The following OCRL variants were observed in gnomAD, a reference collection of about 807,000 sequenced individuals.
OCRL encodes the protein inositol polyphosphate 5-phosphatase OCRL.
In OCRL, 8 loss-of-function variants were observed where a neutral mutation model predicts 78.9. The observed-to-expected ratio is 0.10, with a 90% confidence interval of 0.06 to 0.18. The LOEUF (loss-of-function observed/expected upper bound fraction) is 0.18. Among genes scored for constraint, OCRL ranks in the 10% least tolerant of loss-of-function variants. The pLI is 1.00. For synonymous variants in OCRL, 240 were observed against 235.4 expected, an observed-to-expected ratio of 1.02 and a Z score of -0.18; for missense variants, 454 against 696.7, an observed-to-expected ratio of 0.65 and a Z score of 3.92.
chrX:129,552,779 T>C (rs1244560467), intron 4 of OCRL, among the ~76,000 whole-genome samples: 1 of 111,944 alleles, frequency 8.9e-6, no homozygotes, highest in Non-Finnish European at 1.9e-5. Flanking sequence ...AGTGAATGTA[T>C]GCATCTGAAT....
At chrX:129,545,902 C>T (rs1395130633) in intron 3 of OCRL, among the ~76,000 whole-genome samples, 4 of 110,942 alleles carry the variant, frequency 3.6e-5, no homozygotes, top group Non-Finnish European at 7.6e-5. Flanking sequence ...TTTGTAGTGA[C>T]GGGGTTTCGC....
chrX:129,567,206 A>T (rs1179411596), intron 13 of OCRL, 48 bp from the exon 14 acceptor site: 3 of 868,246 alleles, frequency 3.5e-6, no homozygotes, highest in Non-Finnish European at 5.1e-6. Context: ...TATCTCTTAT[A>T]TTAAGATAGT....
In OCRL at chrX:129,587,250, C is replaced by T. The variant is rs186493665; in HGVS notation, c.2256+132C>T. 2.1e-3 allele frequency: 1,124 copies of T among 527,543 alleles called. 13 individuals are homozygous for T. In the African/African-American group the frequency reaches 0.022, roughly 10 times the overall value. The allele number at this position is 527,543 out of a possible 1,213,427, so 43.5% of individuals were successfully genotyped here. A position where few individuals can be genotyped will look rare whatever the true frequency, so the allele number is the denominator to read the frequency against. On this transcript the variant is annotated intron_variant, in intron 20 of 23. Transcript: ENST00000371113. ...GCACACAGTGGCACTGTCAGATCGACTGGGTGGGTGGAAGTGTCCTAGTCA... is the reference window on the plus strand; with the variant it reads ...GCACACAGTGGCACTGTCAGATCGATTGGGTGGGTGGAAGTGTCCTAGTCA...
At chrX:129,565,718 C>T in intron 12 of OCRL, 54 bp from the exon 13 acceptor site, 1 of 932,959 alleles carries the variant, frequency 1.1e-6, no homozygotes, top group Non-Finnish European at 1.6e-6. Flanking sequence ...CCATCCTTCT[C>T]TGTTTTTTTT....
In OCRL at chrX:129,580,371, A is replaced by G. The variant is rs1041234829; in HGVS notation, c.2115+3819A>G. Among the ~76,000 whole-genome samples the G allele has an allele frequency of 4.5e-5, 5 of 112,238 alleles. No individual in the cohort carries two copies. The East Asian group carries it at 1.4e-3, about 31-fold the overall frequency. ...TCCCTGGGACAAGTGAAGATCAAGG[A>G]TAAGAATGTATGAAGCTGGTTAGGG... is the stretch of plus-strand genomic sequence containing the variant. On this transcript the variant is annotated intron_variant, in intron 18 of 23. Coordinates refer to ENST00000371113, the MANE Select transcript of OCRL (RefSeq NM_000276.4).
rs1045902115 is a variant in OCRL, at chrX:129,592,062, G to A, written c.*1792G>A. On this transcript the variant is annotated 3_prime_UTR_variant, in exon 24 of 24. Transcript: ENST00000371113. ...GGTTAGTGGAGGCTCTGTGCTGCAC[G>A]TATGCAGTATCCTATCTCTTTCTAC... 8.8e-6 allele frequency: 1 copy of A among 114,221 alleles called. No individual in the cohort carries two copies. The highest frequency in any genetic ancestry group is 1.9e-5 in the Non-Finnish European group (1 of 53,374). 9.4% of individuals were successfully genotyped at this position (114,221 alleles called of 1,213,427 possible). A position where few individuals can be genotyped will look rare whatever the true frequency, so the allele number is the denominator to read the frequency against.
intron 2 of OCRL, among the ~76,000 whole-genome samples, chrX:129,541,863 C>G (rs1037957500): frequency 8.9e-6 from 1 of 112,400 alleles, no homozygotes; most frequent in Non-Finnish European, 1.9e-5. Context: ...TGGTGCCACT[C>G]TAACTGGATG....
chrX:129,570,296 T>C (rs748876860), intron 15 of OCRL, among the ~76,000 whole-genome samples: 1 of 111,988 alleles, frequency 8.9e-6, no homozygotes, highest in East Asian at 2.8e-4. Context: ...TGCATCCGAG[T>C]TCAACCACTT....
At chrX:129,544,851 C>T (rs1025264091) in intron 2 of OCRL, 107 bp from the exon 3 acceptor site, 1 of 543,299 alleles carries the variant, frequency 1.8e-6, no homozygotes, top group Non-Finnish European at 3.3e-6. Context: ...CTAGATGCAG[C>T]AAGTCTAGTA....
intron 19 of OCRL, 60 bp from the exon 20 acceptor site, chrX:129,586,942 T>G: frequency 6.6e-6 from 5 of 756,277 alleles, no homozygotes; most frequent in Non-Finnish European, 1.0e-5. Flanking sequence ...GGACTTTAAG[T>G]TATACACCAA....
intron 4 of OCRL, among the ~76,000 whole-genome samples, chrX:129,548,950 GT>G (rs1235341946): frequency 9.0e-6 from 1 of 111,655 alleles, no homozygotes; most frequent in South Asian, 3.7e-4. Flanking sequence ...TATTGGTGGA[GT>G]TTTTTTGGTC....
Position 129,562,408 on chromosome X carries a change from A to T in OCRL, c.964A>T (p.Met322Leu). Residue 322 changes from methionine (M) to leucine (L), a missense_variant, in exon 11 of 24, where the codon ATG becomes TTG. By Grantham distance (15) the Met-to-Leu change is conservative. This residue lies in a region of OCRL where 277 missense variants were observed against 517.1 expected (regional missense o/e 0.54). Transcript: ENST00000371113. ...KKVQLVRLVG[M>L]MLLIFARKDQ... ...GGTTCAACTGGTGCGCCTTGTTGGG[A>T]TGATGCTTCTTATATTTGCCAGAAA... 1 of 1,210,801 alleles carries T rather than the reference A, an allele frequency of 8.3e-7. No homozygotes were observed. The highest frequency in any genetic ancestry group is 2.2e-5 in the Admixed American group (1 of 46,026).
At chrX:129,575,751 G>A in intron 16 of OCRL, 146 bp from the exon 17 acceptor site, 1 of 610,539 alleles carries the variant, frequency 1.6e-6, no homozygotes, top group East Asian at 3.4e-5. Context: ...AGTGGATGTT[G>A]TGAAGTTGGT....
intron 12 of OCRL, among the ~76,000 whole-genome samples, chrX:129,564,682 G>C (rs1177381064): frequency 3.7e-5 from 4 of 109,114 alleles, no homozygotes; most frequent in Non-Finnish European, 5.7e-5. Context: ...GAGAACACAT[G>C]GACACAGGAA....
At chrX:129,542,274 T>C (rs1235272265) in intron 2 of OCRL, among the ~76,000 whole-genome samples, 5 of 105,283 alleles carry the variant, frequency 4.7e-5, no homozygotes, top group Non-Finnish European at 7.8e-5. Flanking sequence ...TATGGGGGTA[T>C]AGTTGGGGGT....
rs747198993 is a variant in OCRL, at chrX:129,576,384, A to G, written c.1947A>G (p.Gly649=). 7 of 1,211,301 alleles carry G rather than the reference A, an allele frequency of 5.8e-6. No homozygotes were observed. The highest frequency in any genetic ancestry group is 6.7e-6 in the Non-Finnish European group (6 of 895,067). Residue 649 remains glycine (G), a synonymous_variant, in exon 18 of 24, where the codon GGA becomes GGG. Coordinates refer to ENST00000371113, the MANE Select transcript of OCRL (RefSeq NM_000276.4). ...ACTCTGTAACCATCCTGAACTCGGG[A>G]GAAGATAAGATTGAAGATATTCTCG... ...SKDSVTILNS[G]EDKIEDILVL... is the part of the protein sequence containing the mutation.
chrX:129,548,439 A>G, intron 3 of OCRL, 124 bp from the exon 4 acceptor site: 2 of 555,076 alleles, frequency 3.6e-6, no homozygotes, highest in Admixed American at 2.8e-5. Flanking sequence ...ATTTAAAAAA[A>G]TATGTTCTAA....
In OCRL at chrX:129,548,607, T is replaced by G; in HGVS notation, c.238+6T>G. On this transcript the variant is annotated splice_donor_region_variant and intron_variant, in intron 4 of 23. Transcript: ENST00000371113. ...GATTGACATAGCTTCTAACAGTGAG[T>G]ATCTTTCTGAATGTGCTTGATTTTT... 1 of 1,189,594 alleles carries G rather than the reference T, an allele frequency of 8.4e-7. No homozygotes were observed. Among genetic ancestry groups the G allele is most frequent in the Non-Finnish European group, 1.1e-6 (1 of 875,750 alleles).
intron 15 of OCRL, among the ~76,000 whole-genome samples, chrX:129,569,839 TC>T (rs1569460826): frequency 9.4e-6 from 1 of 106,900 alleles, no homozygotes; most frequent in African/African-American, 3.4e-5. Flanking sequence ...ACTTATTTTT[TC>T]TTTTTTTTTT....
Sources: gnomAD v4.1 joint callset for allele counts (sites outside exome capture counted in the v4.1 genomes callset) on GRCh38, gnomAD v4.1.1 for gene constraint, gnomAD v4.1.1 regional missense constraint, MANE v1.5 for transcripts, NCBI Gene and HGNC (gene_info 2026-07-23, HGNC 2026-07-21) for gene names.